C17orf78: variants seen among roughly 807,000 people sequenced by gnomAD.
C17orf78 encodes the protein uncharacterized protein C17orf78.
A neutral mutation model predicts 31.8 loss-of-function variants in C17orf78; 27 were observed. The observed-to-expected ratio is 0.85, with a 90% CI of 0.63 to 1.17. The LOEUF is 1.17. Among genes scored for constraint, C17orf78 ranks in the 50% most tolerant of loss-of-function variants. The probability of loss-of-function intolerance (pLI) is 0.00; values close to 1 mark genes in which losing one functional copy is unlikely to be tolerated. For synonymous variants in C17orf78, 106 were observed against 115.1 expected (o/e 0.92, Z 0.51); for missense variants, 258 against 315.2 (o/e 0.82, Z 1.37).
At chr17:37,382,961 C>T (rs566168915) in intron 3 of C17orf78, among the ~76,000 whole-genome samples, 7 of 152,192 alleles carry the variant, frequency 4.6e-5, no homozygotes, top group South Asian at 4.2e-4. Context: ...GACTTGAACC[C>T]GGGAGGCGGA....
chr17:37,389,108 A>G (rs2050676720), intron 5 of C17orf78, 138 bp from the exon 6 acceptor site: 4 of 1,192,166 alleles, frequency 3.4e-6, no homozygotes, highest in Non-Finnish European at 4.6e-6. Context: ...GACATTTTCT[A>G]GGAAGGATAG....
intron 6 of C17orf78, among the ~76,000 whole-genome samples, chr17:37,390,177 C>T (rs1437828642): frequency 1.1e-3 from 59 of 51,832 alleles, no homozygotes; most frequent in African/African-American, 1.8e-3. Context: ...TATATATATA[C>T]ACACACACAT....
At chr17:37,380,453 T>G (rs189954423) in intron 3 of C17orf78, among the ~76,000 whole-genome samples, 1 of 151,826 alleles carries the variant, frequency 6.6e-6, no homozygotes, top group Admixed American at 6.6e-5. Context: ...AGAAAATGAA[T>G]TATCCTCCCC....
chr17:37,388,962 C>A (rs533343910), intron 5 of C17orf78, among the ~76,000 whole-genome samples, 168 bp downstream of exon 5: 31 of 152,304 alleles, frequency 2.0e-4, no homozygotes, highest in Non-Finnish European at 4.3e-4. Context: ...ACTGTTCTAA[C>A]CTCAGTGGCC....
At chr17:37,382,023 T>C (rs2050314616) in intron 3 of C17orf78, among the ~76,000 whole-genome samples, 1 of 152,202 alleles carries the variant, frequency 6.6e-6, no homozygotes, top group South Asian at 2.1e-4. Context: ...AATGACCGTA[T>C]ATATTCTTCT....
chr17:37,386,455 G>A (rs2050535005), intron 4 of C17orf78, among the ~76,000 whole-genome samples: 1 of 152,050 alleles, frequency 6.6e-6, no homozygotes, highest in Non-Finnish European at 1.5e-5. Flanking sequence ...AGCCGGACGT[G>A]GTGGCAGGTA....
At position 37,386,091 on chromosome 17, in the gene C17orf78, T is replaced by A; in HGVS notation, c.474T>A (p.Pro158=). Residue 158 remains proline (P), a synonymous_variant, in exon 4 of 7, where the codon CCT becomes CCA. Transcript: ENST00000615133. The part of the protein sequence containing the change: ...TFPTTAPSIT[P]GNKEGEKTTS... ...CCACCACTGCCCCTTCTATAACTCC[T>A]GGGAATAAAGAAGGAGAGAAAACTA... The A allele has an allele frequency of 6.3e-7, 1 of 1,596,886 alleles. No individual in the cohort carries two copies. Among genetic ancestry groups the A allele is most frequent in the Non-Finnish European group, 8.6e-7 (1 of 1,167,094 alleles).
chr17:37,376,073 G>T lies in C17orf78; in HGVS notation c.-20G>T. ...AGATGAGCAGTGGTCTGTCTGCAAT[G>T]AGCATGTGCTCAAGCTAACATGGAT... is the stretch of plus-strand genomic sequence containing the variant. On this transcript the variant is annotated 5_prime_UTR_variant, in exon 1 of 7. An upstream start codon of the reference 5' UTR is lost. Transcript: ENST00000615133. 1 of 1,605,148 alleles carries T rather than the reference G, an allele frequency of 6.2e-7. No homozygotes were observed. Among genetic ancestry groups the T allele is most frequent in the Non-Finnish European group, 8.5e-7 (1 of 1,171,960 alleles).
At chr17:37,381,820 G>A (rs945714362) in intron 3 of C17orf78, among the ~76,000 whole-genome samples, 15 of 151,298 alleles carry the variant, frequency 9.9e-5, no homozygotes, top group Admixed American at 5.9e-4. Flanking sequence ...GTAGAGATGG[G>A]GTTTCACCGT....
intron 6 of C17orf78, among the ~76,000 whole-genome samples, chr17:37,391,402 G>A (rs187530320): frequency 6.6e-6 from 1 of 152,306 alleles, no homozygotes; most frequent in Non-Finnish European, 1.5e-5. Flanking sequence ...GTTAGAAACA[G>A]AACTATGATC....
intron 3 of C17orf78, 41 bp downstream of exon 3, chr17:37,379,423 A>G (rs1175421018): frequency 1.3e-6 from 2 of 1,591,464 alleles, no homozygotes; most frequent in Admixed American, 1.7e-5. Flanking sequence ...ACTAACTTTT[A>G]GTTGACATCC....
intron 6 of C17orf78, among the ~76,000 whole-genome samples, chr17:37,391,074 T>C (rs992175343): frequency 1.3e-5 from 2 of 151,856 alleles, no homozygotes; most frequent in African/African-American, 4.8e-5. Context: ...CTGTCTCAAC[T>C]AAAAATACAA....
chr17:37,382,413 A>G (rs1384020052), intron 3 of C17orf78, among the ~76,000 whole-genome samples: 1 of 151,268 alleles, frequency 6.6e-6, no homozygotes, highest in Non-Finnish European at 1.5e-5. Flanking sequence ...AGTCCCCTAG[A>G]TGCTATTGCT....
chr17:37,379,021 A>G, intron 2 of C17orf78, 116 bp from the exon 3 acceptor site: 1 of 1,267,366 alleles, frequency 7.9e-7, no homozygotes. Context: ...GGAGTGAGCC[A>G]TGATTGCGAC....
intron 3 of C17orf78, among the ~76,000 whole-genome samples, chr17:37,383,152 GCTGTGT>G (rs926683292): frequency 1.3e-5 from 2 of 152,202 alleles, no homozygotes; most frequent in African/African-American, 2.4e-5. Context: ...GTCCATGGCA[GCTGTGT>G]TGGGGAAAAG....
chr17:37,390,320 A>ATTTTATATATATATATAT (rs1429328377), intron 6 of C17orf78, among the ~76,000 whole-genome samples: 1 of 47,950 alleles, frequency 2.1e-5, no homozygotes, highest in African/African-American at 1.1e-4. Flanking sequence ...ATATATATAT[A>ATTTTATATATATATATAT]TATATATATA....
intron 4 of C17orf78, among the ~76,000 whole-genome samples, chr17:37,386,437 C>T (rs910213913): frequency 6.6e-6 from 1 of 152,034 alleles, no homozygotes; most frequent in Non-Finnish European, 1.5e-5. Flanking sequence ...ACTAAAAATA[C>T]AAAAATTAGC....
Position 37,376,129 on chromosome 17 carries a change from T to A in C17orf78, c.37T>A (p.Ser13Thr). The A allele has an allele frequency of 6.2e-7, 1 of 1,612,920 alleles. No homozygotes were observed. Among genetic ancestry groups the A allele is most frequent in the Non-Finnish European group, 8.5e-7 (1 of 1,178,914 alleles). ...TILVFSLIIA[S>T]YDANKKDLRD... is the part of the protein sequence containing the mutation. ...CTTGGTCTTCAGCCTAATCATTGCA[T>A]CCTATGATGCCAACAAGAAAGGTAT... Residue 13 changes from serine (S) to threonine (T), a missense_variant, in exon 1 of 7, where the codon TCC becomes ACC. Transcript: ENST00000615133.
chr17:37,375,989 C>T lies in C17orf78; in HGVS notation c.-104C>T. 5 of 920,128 alleles carry T rather than the reference C, an allele frequency of 5.4e-6. No homozygotes were observed. The highest frequency in any genetic ancestry group is 4.4e-5 in the South Asian group (3 of 68,744). The allele number at this position is 920,128 out of a possible 1,614,324, so 57.0% of individuals were successfully genotyped here. ...GGAATCAGAGTCTCTCAGGGTCAAA[C>T]TTGGTTCCAGCTGCGTGTGGTGAAA... On this transcript the variant is annotated 5_prime_UTR_variant, in exon 1 of 7. Coordinates refer to ENST00000615133, the MANE Select transcript of C17orf78 (RefSeq NM_173625.5).
Sources: gnomAD v4.1 joint callset for allele counts (sites outside exome capture counted in the v4.1 genomes callset) on GRCh38, gnomAD v4.1.1 for gene constraint, MANE v1.5 for transcripts, NCBI Gene and HGNC (gene_info 2026-07-23, HGNC 2026-07-21) for gene names.